ESRRG: variants seen among roughly 807,000 people sequenced by gnomAD.
The protein encoded by ESRRG is estrogen related receptor gamma.
Under a neutral mutation model 44.0 loss-of-function variants are expected in ESRRG, and 13 were observed. The observed-to-expected ratio is 0.30, with a 90% CI of 0.19 to 0.47. ESRRG has a LOEUF of 0.47. ESRRG is among the 20% of genes least tolerant of loss of function. ESRRG has a pLI of 1.00. For missense variants in ESRRG, 395 were observed against 580.6 expected, an observed-to-expected ratio of 0.68 and a Z score of 3.29; for synonymous variants, 215 against 214.6, an observed-to-expected ratio of 1.00 and a Z score of -0.02.
rs984388084 is a variant in ESRRG, at chr1:216,780,334, A to G, written c.-13-102843T>C. Among the ~76,000 whole-genome samples, 39 of 152,052 alleles carry G rather than the reference A, an allele frequency of 2.6e-4. 1 individual carries two copies. Among genetic ancestry groups the G allele is most frequent in the Non-Finnish European group, 2.6e-4 (18 of 67,984 alleles). The stretch of plus-strand genomic sequence containing the variant: ...AAATGCTCCGTGTATAAGATTTGAA[A>G]TGGAAAACCCAGCAATTCTTCTCTT... On this transcript the variant is annotated intron_variant, in intron 2 of 7. Transcript: ENST00000359162.
chr1:216,861,255 C>G (rs889568623), intron 2 of ESRRG, among the ~76,000 whole-genome samples: 2 of 151,698 alleles, frequency 1.3e-5, no homozygotes, highest in Non-Finnish European at 1.5e-5. Flanking sequence ...TCAATAAACA[C>G]ATTAAATAAA....
At chr1:216,722,149 C>A (rs897618405) in intron 1 of ESRRG, among the ~76,000 whole-genome samples, 1 of 152,220 alleles carries the variant, frequency 6.6e-6, no homozygotes, top group Admixed American at 6.5e-5. Flanking sequence ...TAATGCACTA[C>A]CTCATCTTCT....
At chr1:216,668,181 G>A (rs1227364606) in intron 2 of ESRRG, among the ~76,000 whole-genome samples, 2 of 152,302 alleles carry the variant, frequency 1.3e-5, no homozygotes, top group Non-Finnish European at 2.9e-5. Flanking sequence ...AGATCACTGT[G>A]AAGTAACAGA....
At chr1:216,662,606 G>A (rs2072782644) in intron 2 of ESRRG, among the ~76,000 whole-genome samples, 2 of 150,198 alleles carry the variant, frequency 1.3e-5, no homozygotes, top group South Asian at 2.1e-4. Context: ...AAAGTATAGA[G>A]GAAAACTTAG....
At chr1:216,900,202 C>T (rs916106156) in intron 2 of ESRRG, among the ~76,000 whole-genome samples, 1 of 152,138 alleles carries the variant, frequency 6.6e-6, no homozygotes, top group African/African-American at 2.4e-5. Flanking sequence ...CACTTAACTA[C>T]AGACTTTCAT....
At chr1:216,605,865 G>C (rs2059864797) in intron 3 of ESRRG, among the ~76,000 whole-genome samples, 1 of 130,200 alleles carries the variant, frequency 7.7e-6, no homozygotes, top group South Asian at 2.5e-4. Flanking sequence ...TCAATAAAGA[G>C]AGCTTAAATT....
intron 2 of ESRRG, among the ~76,000 whole-genome samples, chr1:216,728,812 A>C (rs1226721050): frequency 6.6e-6 from 1 of 151,982 alleles, no homozygotes; most frequent in Non-Finnish European, 1.5e-5. Flanking sequence ...AAAAAAAGTA[A>C]GATATTAACA....
chr1:216,968,869 T>G (rs956320717), intron 1 of ESRRG, among the ~76,000 whole-genome samples: 3 of 152,180 alleles, frequency 2.0e-5, no homozygotes, highest in Non-Finnish European at 4.4e-5. Context: ...TATCTCCATT[T>G]ATTTAGTTAT....
At chr1:216,619,215 G>A (rs901748254) in intron 3 of ESRRG, among the ~76,000 whole-genome samples, 1 of 152,224 alleles carries the variant, frequency 6.6e-6, no homozygotes, top group African/African-American at 2.4e-5. Context: ...TTAAGCACAT[G>A]TGTGCATGCT....
chr1:216,629,976 C>G (rs2063846902), intron 3 of ESRRG, among the ~76,000 whole-genome samples: 1 of 152,250 alleles, frequency 6.6e-6, no homozygotes, highest in East Asian at 1.9e-4. Context: ...CACATATACA[C>G]AGTAATTTTT....
chr1:216,652,211 A>C (rs760451792), intron 2 of ESRRG, among the ~76,000 whole-genome samples: 1 of 152,228 alleles, frequency 6.6e-6, no homozygotes, highest in Non-Finnish European at 1.5e-5. Context: ...TGCAAAACTC[A>C]GGGTCCGTCC....
intron 2 of ESRRG, among the ~76,000 whole-genome samples, chr1:216,932,719 GTTTTTTTTTTTTTT>G (rs397860904): frequency 1.0e-4 from 7 of 70,330 alleles, no homozygotes; most frequent in East Asian, 5.4e-4. Context: ...CACCAAACTT[GTTTTTTTTTTTTTT>G]TTTTTTTTTT....
At chr1:217,072,700 G>T (rs2090714849) in intron 1 of ESRRG, among the ~76,000 whole-genome samples, 1 of 134,752 alleles carries the variant, frequency 7.4e-6, no homozygotes, top group South Asian at 2.7e-4. Context: ...TCTAAACTGG[G>T]GGTGTGTGTG....
At chr1:216,621,322 G>T (rs1414492490) in intron 3 of ESRRG, among the ~76,000 whole-genome samples, 1 of 152,152 alleles carries the variant, frequency 6.6e-6, no homozygotes, top group African/African-American at 2.4e-5. Flanking sequence ...AGTGATCTGT[G>T]CTTAAAAGAA....
chr1:217,035,319 CAAAAAAAA>C (rs397709457), intron 1 of ESRRG, among the ~76,000 whole-genome samples: 3 of 75,178 alleles, frequency 4.0e-5, no homozygotes, highest in Non-Finnish European at 7.3e-5. Flanking sequence ...GACTCTGTCT[CAAAAAAAA>C]AAAAAAAAAA....
intron 1 of ESRRG, among the ~76,000 whole-genome samples, chr1:217,135,298 C>G (rs1170344651): frequency 1.3e-5 from 2 of 152,144 alleles, no homozygotes; most frequent in Non-Finnish European, 2.9e-5. Context: ...AACACACACG[C>G]CCACCCCGCC....
intron 1 of ESRRG, among the ~76,000 whole-genome samples, chr1:217,010,524 G>A (rs544755514): frequency 1.1e-4 from 16 of 152,196 alleles, no homozygotes; most frequent in African/African-American, 2.2e-4. Context: ...TGTGATTTGC[G>A]GGTGTATTTA....
chr1:216,826,979 T>A (rs1454498501), intron 2 of ESRRG, among the ~76,000 whole-genome samples: 1 of 152,116 alleles, frequency 6.6e-6, no homozygotes, highest in Non-Finnish European at 1.5e-5. Flanking sequence ...AGGGGGGTGA[T>A]CCCTGCTGTC....
At chr1:216,821,687 G>GAAAAAAAAAAAAAAAAAAAA (rs1251334274) in intron 2 of ESRRG, among the ~76,000 whole-genome samples, 1 of 54,198 alleles carries the variant, frequency 1.8e-5, no homozygotes, top group Non-Finnish European at 4.0e-5. Context: ...CCTGCCTCAG[G>GAAAAAAAAAAAAAAAAAAAA]AAAAATAAAT....
Sources: allele counts gnomAD v4.1 joint callset (sites outside exome capture counted in the v4.1 genomes callset), GRCh38; gene constraint gnomAD v4.1.1; transcripts MANE v1.5; gene names NCBI Gene and HGNC (gene_info 2026-07-23, HGNC 2026-07-21).